The following CWF19L2 variants were observed in gnomAD, a reference collection of about 807,000 sequenced individuals.
The protein encoded by CWF19L2 is CWF19 like cell cycle control factor 2.
CWF19L2 carries 98 observed loss-of-function variants against 111.7 expected under a neutral mutation model. That is an observed-to-expected ratio of 0.88 (90% CI 0.75 to 1.04). CWF19L2 has a LOEUF of 1.04. CWF19L2 is among the 50% of genes least tolerant of loss of function. CWF19L2 has a pLI of 0.00. For missense variants in CWF19L2, 1,101 were observed against 1,051.4 expected, an observed-to-expected ratio of 1.05 and a Z score of -0.65; for synonymous variants, 351 against 342.9, an observed-to-expected ratio of 1.02 and a Z score of -0.26.
intron 10 of CWF19L2, among the ~76,000 whole-genome samples, chr11:107,397,325 G>T (rs775886124): frequency 6.6e-6 from 1 of 152,116 alleles, no homozygotes; most frequent in Non-Finnish European, 1.5e-5. Flanking sequence ...CTGTTGGTGG[G>T]GGCACAGTGA....
At chr11:107,405,779 G>C (rs2135388877) in intron 10 of CWF19L2, among the ~76,000 whole-genome samples, 1 of 148,466 alleles carries the variant, frequency 6.7e-6, no homozygotes, top group Admixed American at 6.7e-5. Context: ...ACTAAATTGG[G>C]ATATATTTTA....
chr11:107,446,137 A>G (rs1386318405), intron 3 of CWF19L2, among the ~76,000 whole-genome samples: 1 of 152,208 alleles, frequency 6.6e-6, no homozygotes, highest in Non-Finnish European at 1.5e-5. Context: ...ATCAATGGCT[A>G]TTCTGAGATT....
chr11:107,455,747 C>T lies in CWF19L2; in HGVS notation c.135G>A (p.Arg45=), dbSNP rs1247413318. ...QAKANFEKEE[R]RKELKRLRGE... ...CCCGAAGTCGCTTAAGTTCTTTACGCCTTTCTTCTTTTTCAAAATTGGCTT... is the reference window on the plus strand; with the variant it reads ...CCCGAAGTCGCTTAAGTTCTTTACGTCTTTCTTCTTTTTCAAAATTGGCTT... The change falls in exon 2 of 18, where the codon AGG becomes AGA. Residue 45 remains arginine (R), a synonymous_variant. Coordinates refer to ENST00000282251, the MANE Select transcript of CWF19L2 (RefSeq NM_152434.3). 6.4e-7 allele frequency: 1 copy of T among 1,550,806 alleles called. No individual in the cohort carries two copies. Among genetic ancestry groups the T allele is most frequent in the Non-Finnish European group, 8.7e-7 (1 of 1,146,636 alleles).
Position 107,405,850 on chromosome 11 carries a change from A to AAAGAAG in CWF19L2, c.1617+10353_1617+10358dup, listed in dbSNP as rs3050912. Reference sequence around the variant, plus strand: ...AATATGAAGCAAGCCAAAAAAAAAAAAAGAAGAAGAAGAAGAAGATAATGC... The same window carrying AAAGAAG: ...AATATGAAGCAAGCCAAAAAAAAAAAAAGAAGAAGAAGAAGAAGAAGAAGATAATGC... On this transcript the variant is annotated intron_variant, in intron 10 of 17. Coordinates refer to ENST00000282251, the MANE Select transcript of CWF19L2 (RefSeq NM_152434.3). 5.6e-3 allele frequency among the ~76,000 whole-genome samples: 792 copies of AAAGAAG among 141,832 alleles called. 6 individuals are homozygous for AAAGAAG. Among genetic ancestry groups the AAAGAAG allele is most frequent in the African/African-American group, 0.018 (692 of 38,074 alleles). 93.0% of individuals were successfully genotyped at this position (141,832 alleles called of 152,430 possible).
At chr11:107,442,181 G>T (rs1209783497) in intron 4 of CWF19L2, among the ~76,000 whole-genome samples, 1 of 152,168 alleles carries the variant, frequency 6.6e-6, no homozygotes, top group Non-Finnish European at 1.5e-5. Flanking sequence ...AAGCATGAAA[G>T]CCTCTAAGGA....
chr11:107,362,145 A>G (rs1326192942), intron 12 of CWF19L2, among the ~76,000 whole-genome samples: 1 of 152,090 alleles, frequency 6.6e-6, no homozygotes, highest in African/African-American at 2.4e-5. Context: ...CTACGAGATT[A>G]TATCCCGCAC....
chr11:107,375,445 C>T lies in CWF19L2; in HGVS notation c.1872+14629G>A, dbSNP rs1303357393. On this transcript the variant is annotated intron_variant, in intron 12 of 17. Transcript: ENST00000282251. ...TCTCTCAGACCACAGTGCAATCAAA[C>T]TAGAACTCAGGATTAAGAATCTCAC... 2.0e-4 allele frequency among the ~76,000 whole-genome samples: 28 copies of T among 139,152 alleles called. 5 individuals carry two copies. Among genetic ancestry groups the T allele is most frequent in the African/African-American group, 7.8e-4 (28 of 35,942 alleles). 91.3% of individuals were successfully genotyped at this position (139,152 alleles called of 152,430 possible). A position where few individuals can be genotyped will look rare whatever the true frequency, so the allele number is the denominator to read the frequency against.
chr11:107,340,366 C>T (rs552891615), intron 14 of CWF19L2, among the ~76,000 whole-genome samples: 4 of 152,276 alleles, frequency 2.6e-5, no homozygotes, highest in Admixed American at 2.6e-4. Context: ...TAAGCTGATA[C>T]TCAAGTTTTT....
rs1861619912 is a variant in CWF19L2, at chr11:107,441,598, A to G, written c.475T>C (p.Phe159Leu). The change falls in exon 5 of 18, where the codon TTT (phenylalanine) becomes CTT (leucine). Residue 159 changes from phenylalanine (F) to leucine (L), a missense_variant. Phe to Leu is a conservative substitution (Grantham distance 22). Coordinates refer to ENST00000282251, the MANE Select transcript of CWF19L2 (RefSeq NM_152434.3). ...GATGACACAGTTTTAACAGACATAA[A>G]ATCAACAGTCATCCACTCATCCCTC... Reference protein sequence around the residue: ...IKRDEWMTVDFMSVKTVSSSS... With the variant: ...IKRDEWMTVDLMSVKTVSSSS... 1 of 1,540,306 alleles carries G rather than the reference A, an allele frequency of 6.5e-7. No individual in the cohort carries two copies. Among genetic ancestry groups the G allele is most frequent in the African/African-American group, 1.4e-5 (1 of 72,566 alleles).
At chr11:107,332,875 A>T (rs2134520590) in intron 16 of CWF19L2, among the ~76,000 whole-genome samples, 1 of 152,250 alleles carries the variant, frequency 6.6e-6, no homozygotes. Context: ...TATTCCCAGC[A>T]CTTTGGGAGG....
intron 8 of CWF19L2, among the ~76,000 whole-genome samples, chr11:107,426,150 CA>C (rs1861372686): frequency 6.7e-6 from 1 of 149,660 alleles, no homozygotes; most frequent in Admixed American, 6.7e-5. Flanking sequence ...TATTACATGA[CA>C]AATATAAAGA....
chr11:107,377,953 G>A (rs1157367610), intron 12 of CWF19L2, among the ~76,000 whole-genome samples: 1,575 of 151,946 alleles, frequency 0.01, 34 homozygotes, highest in African/African-American at 0.036. Context: ...ACAAGTGGGC[G>A]GAGGATATGA....
chr11:107,450,803 C>CAGTT (rs1861767639), intron 3 of CWF19L2, among the ~76,000 whole-genome samples: 1 of 152,126 alleles, frequency 6.6e-6, no homozygotes, highest in Non-Finnish European at 1.5e-5. Context: ...TAACAACAGT[C>CAGTT]AGTTCATCAA....
intron 12 of CWF19L2, among the ~76,000 whole-genome samples, chr11:107,362,070 C>T (rs1483249316): frequency 6.6e-6 from 1 of 152,092 alleles, no homozygotes; most frequent in Non-Finnish European, 1.5e-5. Context: ...GACGGACGCA[C>T]CTGGAAAATC....
chr11:107,336,809 A>T, intron 14 of CWF19L2, 96 bp from the exon 15 acceptor site: 2 of 678,838 alleles, frequency 2.9e-6, no homozygotes, highest in Non-Finnish European at 4.7e-6. Context: ...TTTAATAAAA[A>T]AGTACAAATC....
Position 107,353,515 on chromosome 11 carries a change from A to G in CWF19L2, c.2085+9T>C. On this transcript the variant is annotated intron_variant, in intron 13 of 17. Transcript: ENST00000282251. ...AGAATGTAAGCAAAGGATAATAAAT[A>G]CTTCTTACCTTAACACCTATTGCAA... 6.2e-7 allele frequency: 1 copy of G among 1,604,154 alleles called. No homozygotes were observed. Among genetic ancestry groups the G allele is most frequent in the South Asian group, 1.1e-5 (1 of 90,738 alleles).
chr11:107,391,202 C>T (rs1013235780), intron 11 of CWF19L2, among the ~76,000 whole-genome samples: 1 of 152,118 alleles, frequency 6.6e-6, no homozygotes, highest in African/African-American at 2.4e-5. Context: ...ATTGTGTGAG[C>T]CAACACTCCT....
chr11:107,357,558 C>T (rs765891723), intron 12 of CWF19L2, among the ~76,000 whole-genome samples: 4 of 152,086 alleles, frequency 2.6e-5, no homozygotes, highest in Non-Finnish European at 4.4e-5. Context: ...ATGGATGTTG[C>T]CAAACCTCTC....
intron 10 of CWF19L2, among the ~76,000 whole-genome samples, chr11:107,411,046 CT>C (rs1230632962): frequency 2.0e-5 from 3 of 151,194 alleles, no homozygotes; most frequent in Admixed American, 6.6e-5. Flanking sequence ...AGGCTTAGGT[CT>C]ATGCTTTTAT....
Sources: allele counts gnomAD v4.1 joint callset (sites outside exome capture counted in the v4.1 genomes callset), GRCh38; gene constraint gnomAD v4.1.1; transcripts MANE v1.5; gene names NCBI Gene and HGNC (gene_info 2026-07-23, HGNC 2026-07-21).